Variants in IGF2BP3 observed in about 807,000 individuals in gnomAD.
The protein encoded by IGF2BP3 is insulin-like growth factor 2 mRNA-binding protein 3.
Under a neutral mutation model 73.8 loss-of-function variants are expected in IGF2BP3, and 9 were observed. The observed-to-expected ratio is 0.12, with a 90% confidence interval of 0.07 to 0.21. The LOEUF (loss-of-function observed/expected upper bound fraction) is 0.21. IGF2BP3 is among the 10% of genes least tolerant of loss of function. IGF2BP3 has a pLI of 1.00. For synonymous variants in IGF2BP3, 258 were observed against 256.7 expected (o/e 1.01, Z -0.05); for missense variants, 542 against 714.0 (o/e 0.76, Z 2.75).
intron 3 of IGF2BP3, among the ~76,000 whole-genome samples, chr7:23,393,926 G>T (rs1405925248): frequency 2.0e-5 from 3 of 152,140 alleles, no homozygotes; most frequent in African/African-American, 7.2e-5. Flanking sequence ...CCAATGGACT[G>T]GATACTTAAG....
intron 3 of IGF2BP3, among the ~76,000 whole-genome samples, chr7:23,401,446 A>G (rs1275011407): frequency 6.6e-6 from 1 of 152,182 alleles, no homozygotes; most frequent in African/African-American, 2.4e-5. Flanking sequence ...ATACAGCAGG[A>G]AGTCTTCTGA....
At chr7:23,327,072 A>AAATAAATT (rs1554312122) in intron 10 of IGF2BP3, among the ~76,000 whole-genome samples, 67 of 148,608 alleles carry the variant, frequency 4.5e-4, no homozygotes, top group African/African-American at 1.7e-3. Context: ...TATAATAAAT[A>AAATAAATT]AATTAATTAA....
intron 3 of IGF2BP3, among the ~76,000 whole-genome samples, chr7:23,409,235 A>G (rs556761117): frequency 6.6e-6 from 1 of 152,338 alleles, no homozygotes; most frequent in East Asian, 1.9e-4. Flanking sequence ...CCTGGGGGTT[A>G]GGGACCCCTG....
chr7:23,320,066 A>G (rs1196177464), intron 10 of IGF2BP3, among the ~76,000 whole-genome samples: 1 of 147,728 alleles, frequency 6.8e-6, no homozygotes, highest in Non-Finnish European at 1.5e-5. Context: ...ACTTGTCACC[A>G]CACCCGGCTA....
intron 3 of IGF2BP3, among the ~76,000 whole-genome samples, chr7:23,371,297 G>A (rs548813574): frequency 1.1e-4 from 17 of 152,164 alleles, no homozygotes; most frequent in Middle Eastern, 3.4e-3. Context: ...CACCCTTAGC[G>A]CTAGGGATAT....
intron 2 of IGF2BP3, among the ~76,000 whole-genome samples, chr7:23,439,797 G>C (rs1254507145): frequency 6.6e-6 from 1 of 152,106 alleles, no homozygotes; most frequent in Non-Finnish European, 1.5e-5. Flanking sequence ...ACTGAGGTGG[G>C]TGGGAGCACC....
At chr7:23,348,495 A>T (rs1784884779) in intron 6 of IGF2BP3, among the ~76,000 whole-genome samples, 1 of 152,186 alleles carries the variant, frequency 6.6e-6, no homozygotes, top group Non-Finnish European at 1.5e-5. Context: ...GCACCTTGTG[A>T]CTCAAGAACT....
chr7:23,446,091 C>T (rs541703943), intron 2 of IGF2BP3, among the ~76,000 whole-genome samples: 1 of 152,198 alleles, frequency 6.6e-6, no homozygotes, highest in Non-Finnish European at 1.5e-5. Context: ...TGTGCTGAAT[C>T]ATTGCCTTCA....
rs767463197 is a variant in IGF2BP3, at chr7:23,430,179, G to T, written c.237-11355C>A. On this transcript the variant is annotated intron_variant, in intron 2 of 14. Coordinates refer to ENST00000258729, the MANE Select transcript of IGF2BP3 (RefSeq NM_006547.3). ...GCTCACTGCAACCTCCACCTCCCGGGTTCAAGCGATTCTCCTGCCTCAGCT... is the reference window on the plus strand; with the variant it reads ...GCTCACTGCAACCTCCACCTCCCGGTTTCAAGCGATTCTCCTGCCTCAGCT... Among the ~76,000 whole-genome samples the T allele has an allele frequency of 1.5e-3, 227 of 151,982 alleles. 2 individuals are homozygous for T. The highest frequency in any genetic ancestry group is 3.4e-3 in the Admixed American group (52 of 15,246).
At chr7:23,327,821 C>T (rs774102401) in intron 10 of IGF2BP3, among the ~76,000 whole-genome samples, 1 of 152,116 alleles carries the variant, frequency 6.6e-6, no homozygotes, top group Non-Finnish European at 1.5e-5. Flanking sequence ...AATGGTTCCA[C>T]CTTTTTCCTG....
chr7:23,347,231 G>A (rs745565587), intron 7 of IGF2BP3, among the ~76,000 whole-genome samples: 1 of 152,108 alleles, frequency 6.6e-6, no homozygotes, highest in Non-Finnish European at 1.5e-5. Flanking sequence ...GCTGCTCCAA[G>A]GTGGGGCCAG....
At chr7:23,421,018 T>C (rs1787329166) in intron 2 of IGF2BP3, among the ~76,000 whole-genome samples, 1 of 152,114 alleles carries the variant, frequency 6.6e-6, no homozygotes, top group Non-Finnish European at 1.5e-5. Flanking sequence ...CTTTTTCTTT[T>C]GTGTGTGTGT....
In IGF2BP3 at chr7:23,445,853, A is replaced by G. The variant is rs1271286064; in HGVS notation, c.236+22629T>C. On this transcript the variant is annotated intron_variant, in intron 2 of 14. Coordinates refer to ENST00000258729, the MANE Select transcript of IGF2BP3 (RefSeq NM_006547.3). ...CTGAATTTAAGGCAATGCATCATGTATATGAAGAATGACCTTATTTCCACT... is the reference window on the plus strand; with the variant it reads ...CTGAATTTAAGGCAATGCATCATGTGTATGAAGAATGACCTTATTTCCACT... Among the ~76,000 whole-genome samples the G allele has an allele frequency of 2.0e-5, 3 of 152,250 alleles. No homozygotes were observed. The East Asian group carries it at 5.8e-4, about 29-fold the overall frequency.
intron 3 of IGF2BP3, among the ~76,000 whole-genome samples, chr7:23,365,119 T>C (rs1401873363): frequency 1.3e-5 from 2 of 151,888 alleles, no homozygotes; most frequent in African/African-American, 2.4e-5. Flanking sequence ...TGAGCAGAGA[T>C]TGCACCACTG....
intron 3 of IGF2BP3, among the ~76,000 whole-genome samples, chr7:23,367,446 C>A (rs1396437382): frequency 1.0e-4 from 14 of 133,510 alleles, no homozygotes; most frequent in African/African-American, 3.8e-4. Context: ...TCTTAAAGGC[C>A]AAAAAAAAAA....
At chr7:23,319,114 G>C (rs370351163) in intron 11 of IGF2BP3, 24 bp downstream of exon 11, 160 of 1,417,080 alleles carry the variant, frequency 1.1e-4, no homozygotes, top group Non-Finnish European at 1.5e-4. Context: ...AAGAACCAGA[G>C]AACCACAGCT....
chr7:23,444,465 G>C (rs1425517810), intron 2 of IGF2BP3, among the ~76,000 whole-genome samples: 2 of 151,916 alleles, frequency 1.3e-5, no homozygotes, highest in Admixed American at 6.6e-5. Context: ...TTTAGGTCAG[G>C]TGCGGGGGCT....
intron 2 of IGF2BP3, among the ~76,000 whole-genome samples, chr7:23,465,408 T>C (rs1375708052): frequency 6.6e-6 from 1 of 152,206 alleles, no homozygotes; most frequent in Non-Finnish European, 1.5e-5. Flanking sequence ...CTTCCCCAAC[T>C]GAGGGGTATC....
At chr7:23,336,151 G>GC (rs1784567058) in intron 10 of IGF2BP3, among the ~76,000 whole-genome samples, 1 of 150,928 alleles carries the variant, frequency 6.6e-6, no homozygotes, top group African/African-American at 2.4e-5. Flanking sequence ...GTAGAGAAAT[G>GC]CAACAATTCT....
Sources: gnomAD v4.1 joint callset for allele counts (sites outside exome capture counted in the v4.1 genomes callset) on GRCh38, gnomAD v4.1.1 for gene constraint, MANE v1.5 for transcripts, NCBI Gene and HGNC (gene_info 2026-07-23, HGNC 2026-07-21) for gene names.